The following AAR2 variants were observed in gnomAD, a reference collection of about 807,000 sequenced individuals.
AAR2 encodes the protein protein AAR2 homolog.
In AAR2, 31 loss-of-function variants were observed where a neutral mutation model predicts 26.9. The ratio of observed to expected loss-of-function variants is 1.15; its 90% CI spans 0.86 to 1.55. The LOEUF is 1.55. AAR2 is among the 40% of genes most tolerant of loss of function. The pLI, the probability that AAR2 is intolerant of heterozygous loss-of-function variation, is 0.00. For missense variants in AAR2, 430 were observed against 491.3 expected, an observed-to-expected ratio of 0.88 and a Z score of 1.18; for synonymous variants, 188 against 196.1, an observed-to-expected ratio of 0.96 and a Z score of 0.34.
In AAR2 at chr20:36,255,840, G is replaced by A; in HGVS notation, c.*95G>A. 6.9e-7 allele frequency: 1 copy of A among 1,445,926 alleles called. No homozygotes were observed. The allele number at this position is 1,445,926 out of a possible 1,614,324, so 89.6% of individuals were successfully genotyped here. A position where few individuals can be genotyped will look rare whatever the true frequency, so the allele number is the denominator to read the frequency against. On this transcript the variant is annotated 3_prime_UTR_variant, in exon 4 of 4. Coordinates refer to ENST00000320849, the MANE Select transcript of AAR2 (RefSeq NM_001271874.2). ...TCTTCCCATCCTGGGACCTGCCAGG[G>A]CAGCAATCTCTCCAGGTCCTGCAAA...
At chr20:36,248,080 A>T (rs1321740163) in intron 3 of AAR2, among the ~76,000 whole-genome samples, 1 of 152,098 alleles carries the variant, frequency 6.6e-6, no homozygotes, top group Non-Finnish European at 1.5e-5. Flanking sequence ...TCTCCCTGGT[A>T]CATATTTGCT....
intron 3 of AAR2, among the ~76,000 whole-genome samples, chr20:36,253,084 A>G (rs907864984): frequency 2.1e-5 from 1 of 47,320 alleles, no homozygotes; most frequent in African/African-American, 8.0e-5. Flanking sequence ...CTTCCCCCCC[A>G]TCACCTCTCT....
At chr20:36,251,999 G>T (rs1439640471) in intron 3 of AAR2, among the ~76,000 whole-genome samples, 1 of 152,186 alleles carries the variant, frequency 6.6e-6, no homozygotes, top group African/African-American at 2.4e-5. Flanking sequence ...ATGCTTTGTG[G>T]CACACATTGA....
intron 1 of AAR2, among the ~76,000 whole-genome samples, chr20:36,239,083 T>G (rs2064649270): frequency 6.6e-6 from 1 of 152,236 alleles, no homozygotes; most frequent in Non-Finnish European, 1.5e-5. Context: ...GCTCTTTCTC[T>G]TCTGGCCAGC....
Position 36,244,883 on chromosome 20 carries a change from T to C in AAR2, c.944T>C (p.Val315Ala), listed in dbSNP as rs374099380. The C allele has an allele frequency of 3.2e-5, 52 of 1,614,092 alleles. No homozygotes were observed. Among genetic ancestry groups the C allele is most frequent in the African/African-American group, 4.0e-5 (3 of 74,940 alleles). ...GGTGAGATCCCCGCTGACTTCTTCG[T>C]AGACATTGTCTCCCAAGACAACTTC... ...QLGEIPADFF[V>A]DIVSQDNFLT... Residue 315 changes from valine to alanine, a missense_variant, in exon 3 of 4, where the codon GTA becomes GCA. Coordinates refer to ENST00000320849, the MANE Select transcript of AAR2 (RefSeq NM_001271874.2).
In AAR2 at chr20:36,256,931, C is replaced by T. The variant is rs569626535; in HGVS notation, c.*1186C>T. 1.3e-5 allele frequency: 2 copies of T among 152,764 alleles called. No homozygotes were observed. Among genetic ancestry groups the T allele is most frequent in the Admixed American group, 1.3e-4 (2 of 15,310 alleles). The allele number at this position is 152,764 out of a possible 1,614,324, so 9.5% of individuals were successfully genotyped here. A position where few individuals can be genotyped will look rare whatever the true frequency, so the allele number is the denominator to read the frequency against. ...GTACATTAAAGTCTTCGAGTTGAGACAATCCCCTTGTGTGTGTGTGTCTCT... is the reference window on the plus strand; with the variant it reads ...GTACATTAAAGTCTTCGAGTTGAGATAATCCCCTTGTGTGTGTGTGTCTCT... On this transcript the variant is annotated 3_prime_UTR_variant, in exon 4 of 4. Transcript: ENST00000320849.
intron 2 of AAR2, 45 bp downstream of exon 2, chr20:36,240,670 A>G: frequency 1.3e-6 from 2 of 1,581,038 alleles, no homozygotes; most frequent in East Asian, 2.3e-5. Flanking sequence ...AGGGGAGGAT[A>G]TTAGCAGAGG....
rs2064664349 is a variant in AAR2 at position 36,240,248 on chromosome 20, A to AT, written c.381dup (p.Ala128CysfsTer57). 2 of 1,614,058 alleles carry AT rather than the reference A, an allele frequency of 1.2e-6. No individual in the cohort carries two copies. The highest frequency in any genetic ancestry group is 2.7e-5 in the African/African-American group (2 of 74,912). On this transcript the variant is annotated frameshift_variant, in exon 2 of 4. Transcript: ENST00000320849. LOFTEE classifies it high-confidence loss of function. The stretch of plus-strand genomic sequence containing the variant: ...GACCAGTTCCTGGGGCCTTACCCAT[A>AT]TGCCACCCTGAAGAAGTGGATCTCA...
intron 3 of AAR2, among the ~76,000 whole-genome samples, chr20:36,254,400 A>G (rs2064803318): frequency 6.6e-6 from 1 of 152,202 alleles, no homozygotes; most frequent in Non-Finnish European, 1.5e-5. Flanking sequence ...AGTCAGATTC[A>G]TAGAGACAGA....
At chr20:36,240,781 T>C (rs2064672904) in intron 2 of AAR2, among the ~76,000 whole-genome samples, 156 bp downstream of exon 2, 1 of 152,196 alleles carries the variant, frequency 6.6e-6, no homozygotes, top group African/African-American at 2.4e-5. Context: ...GCCCTGGAGA[T>C]TTCGATTTGA....
intron 1 of AAR2, 39 bp from the exon 2 acceptor site, chr20:36,239,782 C>A: frequency 6.9e-7 from 1 of 1,454,526 alleles, no homozygotes; most frequent in Non-Finnish European, 9.2e-7. Context: ...AGCATCTTTC[C>A]CCCACGTTCT....
At chr20:36,252,947 C>T (rs1262336610) in intron 3 of AAR2, among the ~76,000 whole-genome samples, 1 of 149,308 alleles carries the variant, frequency 6.7e-6, no homozygotes, top group Non-Finnish European at 1.5e-5. Context: ...TTCCCCATGG[C>T]CCTCGCCACC....
chr20:36,247,446 T>TGGCTTCTTATCCTGTTCTCC (rs1391577839), intron 3 of AAR2, among the ~76,000 whole-genome samples: 2 of 152,236 alleles, frequency 1.3e-5, no homozygotes, highest in Non-Finnish European at 2.9e-5. Flanking sequence ...CATTCTGATC[T>TGGCTTCTTATCCTGTTCTCC]GGCTTCTTAT....
At chr20:36,244,466 A>C (rs76678814) in intron 2 of AAR2, among the ~76,000 whole-genome samples, 1 of 152,332 alleles carries the variant, frequency 6.6e-6, no homozygotes, top group African/African-American at 2.4e-5. Context: ...TTTTATAGAA[A>C]TCCAAAGCCA....
intron 3 of AAR2, among the ~76,000 whole-genome samples, chr20:36,249,087 A>C (rs953243194): frequency 1.3e-5 from 2 of 152,114 alleles, no homozygotes; most frequent in Non-Finnish European, 2.9e-5. Flanking sequence ...GCTACTACCC[A>C]TGGAGAGGGA....
chr20:36,239,260 G>C (rs2064650324), intron 1 of AAR2, among the ~76,000 whole-genome samples: 1 of 152,144 alleles, frequency 6.6e-6, no homozygotes, highest in Admixed American at 6.5e-5. Context: ...TCTAGACCCT[G>C]AACAAACTTT....
At chr20:36,251,442 C>T (rs937416481) in intron 3 of AAR2, among the ~76,000 whole-genome samples, 7 of 151,820 alleles carry the variant, frequency 4.6e-5, no homozygotes, top group Non-Finnish European at 1.0e-4. Flanking sequence ...TTTAAGTCAA[C>T]CCAGACTATG....
chr20:36,249,467 C>A (rs2064764659), intron 3 of AAR2, among the ~76,000 whole-genome samples: 1 of 152,172 alleles, frequency 6.6e-6, no homozygotes, highest in African/African-American at 2.4e-5. Flanking sequence ...TTTAAAAATA[C>A]TTCTAGTTAC....
At chr20:36,255,394 A>G (rs1230749234) in intron 3 of AAR2, among the ~76,000 whole-genome samples, 184 bp from the exon 4 acceptor site, 1 of 152,222 alleles carries the variant, frequency 6.6e-6, no homozygotes, top group Non-Finnish European at 1.5e-5. Flanking sequence ...CTGCCCTAGC[A>G]TCTCAGCTGG....
Sources: gnomAD v4.1 joint callset for allele counts (sites outside exome capture counted in the v4.1 genomes callset) on GRCh38, gnomAD v4.1.1 for gene constraint, MANE v1.5 for transcripts, NCBI Gene and HGNC (gene_info 2026-07-23, HGNC 2026-07-21) for gene names.